The following GLRX3 variants were observed in gnomAD, a reference collection of about 807,000 sequenced individuals.
GLRX3 encodes the protein glutaredoxin-3.
A neutral mutation model predicts 49.5 loss-of-function variants in GLRX3; 22 were observed. The ratio of observed to expected loss-of-function variants is 0.44; its 90% confidence interval spans 0.32 to 0.63. The LOEUF is 0.63. GLRX3 is among the 30% of genes least tolerant of loss of function. GLRX3 has a pLI of 0.05. For synonymous variants in GLRX3, 133 were observed against 140.0 expected, an observed-to-expected ratio of 0.95 and a Z score of 0.35; for missense variants, 385 against 396.3, an observed-to-expected ratio of 0.97 and a Z score of 0.24.
intron 1 of GLRX3, among the ~76,000 whole-genome samples, chr10:130,137,886 C>T (rs563201909): frequency 1.3e-5 from 2 of 152,144 alleles, no homozygotes; most frequent in South Asian, 4.2e-4. Flanking sequence ...AGGTGCTCAC[C>T]ACCACGCCCG....
chr10:130,146,954 A>G (rs962838509), intron 2 of GLRX3, among the ~76,000 whole-genome samples: 5 of 152,224 alleles, frequency 3.3e-5, no homozygotes, highest in African/African-American at 9.6e-5. Context: ...ACAGTGTAGA[A>G]AGATGTCCGT....
chr10:130,179,265 C>A, intron 10 of GLRX3, 77 bp from the exon 11 acceptor site: 1 of 721,642 alleles, frequency 1.4e-6, no homozygotes, highest in Non-Finnish European at 2.4e-6. Flanking sequence ...GATATACATA[C>A]AAGCTGTGAT....
At chr10:130,169,170 A>AT (rs1170415024) in intron 6 of GLRX3, among the ~76,000 whole-genome samples, 1 of 151,950 alleles carries the variant, frequency 6.6e-6, no homozygotes, top group East Asian at 1.9e-4. Context: ...TATTATTATT[A>AT]TTTTTTTATT....
intron 1 of GLRX3, among the ~76,000 whole-genome samples, chr10:130,144,033 A>G (rs1862223174): frequency 6.6e-6 from 1 of 152,170 alleles, no homozygotes; most frequent in Admixed American, 6.5e-5. Flanking sequence ...ATTAAAAAGT[A>G]TAAAAAAAAG....
At chr10:130,149,372 G>T (rs1862327878) in intron 2 of GLRX3, among the ~76,000 whole-genome samples, 2 of 151,842 alleles carry the variant, frequency 1.3e-5, no homozygotes, top group Admixed American at 6.6e-5. Flanking sequence ...AACCCAGGAG[G>T]TGGAGGTTGC....
chr10:130,170,888 C>T (rs892488465), intron 7 of GLRX3, among the ~76,000 whole-genome samples: 7 of 152,110 alleles, frequency 4.6e-5, no homozygotes, highest in East Asian at 1.9e-4. Context: ...AATCCCAGCA[C>T]TTTGGGAGGC....
rs147781921 is a variant in GLRX3 at position 130,166,539 on chromosome 10, A to G, written c.511A>G (p.Lys171Glu). ...FSKQMVEILH[K>E]HNIQFSSFDI... ...CAAGCAGATGGTGGAAATTCTTCAC[A>G]AACATAATATTCAGTTTAGCAGTTT... The change falls in exon 5 of 11, where the codon AAA becomes GAA. Residue 171 changes from lysine (K) to glutamate (E), a missense_variant. By Grantham distance (56) the Lys-to-Glu change is moderately conservative. Transcript: ENST00000331244. The G allele has an allele frequency of 6.2e-6, 10 of 1,613,408 alleles. No homozygotes were observed. In the Admixed American group the frequency reaches 1.0e-4, roughly 16 times the overall value.
intron 1 of GLRX3, among the ~76,000 whole-genome samples, chr10:130,140,450 G>A (rs117749624): frequency 1.6e-3 from 245 of 152,290 alleles, no homozygotes; most frequent in Non-Finnish European, 2.1e-3. Flanking sequence ...GTGCTTAATT[G>A]AGAAATGGAA....
chr10:130,136,610 T>C lies in GLRX3; in HGVS notation c.92+98T>C, dbSNP rs578045416. On this transcript the variant is annotated intron_variant, in intron 1 of 10. Coordinates refer to ENST00000331244, the MANE Select transcript of GLRX3 (RefSeq NM_006541.5). ...CGGCGGGTGGCCCAGCCTGGCTTCT[T>C]GGTGCCCGGCTCCCTTCGGCCTCGG... 6.1e-4 allele frequency: 743 copies of C among 1,216,724 alleles called. 5 individuals are homozygous for C. In the African/African-American group the frequency reaches 9.9e-3, roughly 16 times the overall value. The allele number at this position is 1,216,724 out of a possible 1,614,324, so 75.4% of individuals were successfully genotyped here. A position where few individuals can be genotyped will look rare whatever the true frequency, so the allele number is the denominator to read the frequency against.
rs1862232884 is a variant in GLRX3 at position 130,144,419 on chromosome 10, G to GA, written c.93-792_93-791insA. 3.3e-5 allele frequency among the ~76,000 whole-genome samples: 5 copies of GA among 151,778 alleles called. No homozygotes were observed. The East Asian group carries it at 7.8e-4, about 24-fold the overall frequency. On this transcript the variant is annotated intron_variant, in intron 1 of 10. Coordinates refer to ENST00000331244, the MANE Select transcript of GLRX3 (RefSeq NM_006541.5). ...ACCCATCATCTAGGTTTTAAGCCCTGCATGCATTAGGTATTTGTCCTAATG... is the reference window on the plus strand; with the variant it reads ...ACCCATCATCTAGGTTTTAAGCCCTGACATGCATTAGGTATTTGTCCTAATG...
Position 130,179,525 on chromosome 10 carries a change from C to T in GLRX3, c.*133C>T, listed in dbSNP as rs1415190975. On this transcript the variant is annotated 3_prime_UTR_variant, in exon 11 of 11. Transcript: ENST00000331244. ...TCTCAGTTACATGTTTTGTGTATTT[C>T]ACAATGTCGTGCTAAATAAATGTAT... The T allele has an allele frequency of 1.5e-6, 1 of 654,370 alleles. No individual in the cohort carries two copies. The highest frequency in any genetic ancestry group is 2.7e-6 in the Non-Finnish European group (1 of 365,394). The allele number at this position is 654,370 out of a possible 1,614,324, so 40.5% of individuals were successfully genotyped here.
chr10:130,157,338 G>A (rs530881937), intron 2 of GLRX3, among the ~76,000 whole-genome samples: 18 of 151,028 alleles, frequency 1.2e-4, no homozygotes, highest in Non-Finnish European at 2.4e-4. Flanking sequence ...CAGGAGGGAG[G>A]GATGGGGCAG....
At position 130,171,690 on chromosome 10, in the gene GLRX3, G is replaced by A. The variant is rs1862812628; in HGVS notation, c.824+54G>A. The stretch of plus-strand genomic sequence containing the variant: ...ATTAAAAAAATTCCAACCTGGCCAG[G>A]CGTAGTGGCTCACGTCTATAATCCT... On this transcript the variant is annotated intron_variant, in intron 8 of 10. Coordinates refer to ENST00000331244, the MANE Select transcript of GLRX3 (RefSeq NM_006541.5). 3 of 932,520 alleles carry A rather than the reference G, an allele frequency of 3.2e-6. No individual in the cohort carries two copies. The East Asian group carries it at 7.2e-5, about 22-fold the overall frequency. The allele number at this position is 932,520 out of a possible 1,614,324, so 57.8% of individuals were successfully genotyped here.
chr10:130,165,497 C>T (rs531519286), intron 4 of GLRX3, among the ~76,000 whole-genome samples: 1 of 152,116 alleles, frequency 6.6e-6, no homozygotes, highest in East Asian at 1.9e-4. Context: ...AAAAAAATTA[C>T]ATTACATACT....
chr10:130,169,500 TC>T lies in GLRX3; in HGVS notation c.771+11del, dbSNP rs768768584. 1 of 1,564,922 alleles carries T rather than the reference TC, an allele frequency of 6.4e-7. No homozygotes were observed. The highest frequency in any genetic ancestry group is 2.2e-5 in the East Asian group (1 of 44,616). On this transcript the variant is annotated intron_variant, in intron 7 of 10. Transcript: ENST00000331244. ...GAAAGGAAACAAACAGGTAAAGAAC[TC>T]AAAAATGGTTTTATTTGTAATTTCT...
rs57482969 is a variant in GLRX3, at chr10:130,148,433, CTTTTTT to C, written c.201+3136_201+3141del. On this transcript the variant is annotated intron_variant, in intron 2 of 10. Coordinates refer to ENST00000331244, the MANE Select transcript of GLRX3 (RefSeq NM_006541.5). ...GATGTGAGCCACTTTGCCCTTCAGT[CTTTTTT>C]TTTTTTTTTTTTTTTTTTTTTAATG... Among the ~76,000 whole-genome samples, 32 of 70,582 alleles carry C rather than the reference CTTTTTT, an allele frequency of 4.5e-4. No individual in the cohort carries two copies. In the South Asian group the frequency reaches 5.3e-3, roughly 12 times the overall value. The allele number at this position is 70,582 out of a possible 152,430, so 46.3% of individuals were successfully genotyped here.
At chr10:130,138,903 C>T (rs1488870492) in intron 1 of GLRX3, among the ~76,000 whole-genome samples, 1 of 126,702 alleles carries the variant, frequency 7.9e-6, no homozygotes, top group East Asian at 2.3e-4. Context: ...GTTGCCCAGG[C>T]TGGAGTAGAG....
chr10:130,144,245 C>T (rs565043445), intron 1 of GLRX3, among the ~76,000 whole-genome samples: 1 of 150,616 alleles, frequency 6.6e-6, no homozygotes, highest in South Asian at 2.1e-4. Context: ...ATTCAGTTTC[C>T]ACTTTGCCCA....
chr10:130,146,558 ATAT>A (rs1023264874), intron 2 of GLRX3, among the ~76,000 whole-genome samples: 2 of 152,168 alleles, frequency 1.3e-5, no homozygotes, highest in African/African-American at 4.8e-5. Context: ...CACGTTAAAG[ATAT>A]TATTCAGGAC....
Sources: allele counts gnomAD v4.1 joint callset (sites outside exome capture counted in the v4.1 genomes callset), GRCh38; gene constraint gnomAD v4.1.1; transcripts MANE v1.5; gene names NCBI Gene and HGNC (gene_info 2026-07-23, HGNC 2026-07-21).